Variants in CFAP92 observed in about 807,000 individuals in gnomAD.
CFAP92 encodes the protein cilia and flagella associated protein 92 (putative), also known as uncharacterized protein CFAP92.
Under a neutral mutation model 106.3 loss-of-function variants are expected in CFAP92, and 86 were observed. The observed-to-expected ratio is 0.81, with a 90% CI of 0.68 to 0.97. CFAP92 has a LOEUF of 0.97. Among genes scored for constraint, CFAP92 ranks in the 50% least tolerant of loss-of-function variants. The pLI, the probability that CFAP92 is intolerant of heterozygous loss-of-function variation, is 0.00. For missense variants in CFAP92, 1,204 were observed against 1,283.8 expected, an observed-to-expected ratio of 0.94 and a Z score of 0.95; for synonymous variants, 477 against 506.4, an observed-to-expected ratio of 0.94 and a Z score of 0.78.
intron 7 of CFAP92, among the ~76,000 whole-genome samples, 176 bp downstream of exon 7, chr3:128,975,603 T>C (rs1943102284): frequency 6.6e-6 from 1 of 152,140 alleles, no homozygotes; most frequent in South Asian, 2.1e-4. Flanking sequence ...GGTGGATGGA[T>C]GGATAGACGG....
chr3:128,928,121 CGGGT>C (rs1937903067), intron 12 of CFAP92, among the ~76,000 whole-genome samples: 1 of 151,968 alleles, frequency 6.6e-6, no homozygotes, highest in African/African-American at 2.4e-5. Flanking sequence ...GGAGTGGTGG[CGGGT>C]ATGTGTAGTC....
intron 9 of CFAP92, among the ~76,000 whole-genome samples, chr3:128,948,172 T>C (rs370960667): frequency 1.1e-4 from 16 of 151,942 alleles, no homozygotes; most frequent in African/African-American, 3.6e-4. Context: ...CCAGAATGTG[T>C]ATGTAAACAC....
chr3:128,959,505 C>T (rs1165575235), intron 9 of CFAP92, among the ~76,000 whole-genome samples: 1 of 152,148 alleles, frequency 6.6e-6, no homozygotes, highest in Non-Finnish European at 1.5e-5. Context: ...AGAGGATGCA[C>T]TCCAGCAAAA....
intron 12 of CFAP92, among the ~76,000 whole-genome samples, chr3:128,917,337 G>A (rs184307808): frequency 6.6e-6 from 1 of 152,230 alleles, no homozygotes; most frequent in East Asian, 1.9e-4. Flanking sequence ...TAGAATTCGT[G>A]AATTACAACC....
At chr3:128,928,927 TCAA>T (rs1411120038) in intron 12 of CFAP92, among the ~76,000 whole-genome samples, 3 of 152,080 alleles carry the variant, frequency 2.0e-5, no homozygotes, top group Non-Finnish European at 4.4e-5. Context: ...ATATAACAAC[TCAA>T]CAATAAAAAG....
chr3:128,996,199 C>T (rs896217457), upstream of CFAP92, among the ~76,000 whole-genome samples: 2 of 152,214 alleles, frequency 1.3e-5, no homozygotes, highest in Non-Finnish European at 2.9e-5. Context: ...AACCCCCAGA[C>T]ATATGAGAGT....
At chr3:129,020,700 A>G in the CFAP92 span, among the ~76,000 whole-genome samples, 7 of 152,192 alleles carry the variant, frequency 4.6e-5, no homozygotes, top group Admixed American at 3.3e-4. Context: ...TTGGTAAGGC[A>G]CGCTTATTGG....
In CFAP92 at chr3:128,987,839, A is replaced by T; in HGVS notation, c.454-10T>A. The T allele has an allele frequency of 6.3e-7, 1 of 1,591,852 alleles. No individual in the cohort carries two copies. The highest frequency in any genetic ancestry group is 8.6e-7 in the Non-Finnish European group (1 of 1,168,890). On this transcript the variant is annotated splice_polypyrimidine_tract_variant and intron_variant, in intron 3 of 15. Coordinates refer to ENST00000645291, the MANE Select transcript of CFAP92 (RefSeq NM_001394090.1). The stretch of plus-strand genomic sequence containing the variant: ...GCCACGGCTTCACAGTCTGTGTAAA[A>T]CAACATTCAGAGATGTCAACTGGGG...
In CFAP92 at chr3:128,988,838, G is replaced by A. The variant is rs1944027549; in HGVS notation, c.343C>T (p.Arg115Cys). The change falls in exon 3 of 16, where the codon CGT becomes TGT. Residue 115 changes from arginine (R) to cysteine (C), a missense_variant. Arg to Cys is a radical substitution (Grantham distance 180). Transcript: ENST00000645291. ...KTDSSVTKMR[R>C]FYHIEYFLLP... ...AGGAAATACTCAATGTGGTAAAAAC[G>A]ACGCATCTTTGTAACAGAACTGTCT... The A allele has an allele frequency of 1.9e-6, 3 of 1,613,802 alleles. No homozygotes were observed. The highest frequency in any genetic ancestry group is 2.5e-6 in the Non-Finnish European group (3 of 1,179,710).
chr3:128,925,882 C>T (rs185127255), intron 12 of CFAP92, among the ~76,000 whole-genome samples: 5 of 152,214 alleles, frequency 3.3e-5, no homozygotes, highest in African/African-American at 4.8e-5. Flanking sequence ...CAGAGGACAA[C>T]GGAATGATGT....
intron 10 of CFAP92, among the ~76,000 whole-genome samples, chr3:128,943,991 G>T (rs1324602627): frequency 6.9e-6 from 1 of 144,438 alleles, no homozygotes; most frequent in Non-Finnish European, 1.5e-5. Flanking sequence ...ATTCAGTGGC[G>T]TGATACTGGC....
At chr3:128,988,600 G>A in intron 3 of CFAP92, 128 bp downstream of exon 3, 1 of 916,736 alleles carries the variant, frequency 1.1e-6, no homozygotes, top group East Asian at 2.6e-5. Flanking sequence ...CCACTCAGGA[G>A]GTGGGGCCCG....
chr3:128,964,554 GTAAA>G (rs1392117484), intron 9 of CFAP92, among the ~76,000 whole-genome samples: 1 of 152,306 alleles, frequency 6.6e-6, no homozygotes, highest in Middle Eastern at 3.4e-3. Context: ...AACTCTTGAA[GTAAA>G]TAAATAATCT....
upstream of CFAP92, among the ~76,000 whole-genome samples, chr3:128,995,658 C>G (rs1380574668): frequency 2.0e-5 from 3 of 152,212 alleles, no homozygotes; most frequent in Non-Finnish European, 4.4e-5. Flanking sequence ...CACATCACCA[C>G]CTAGGACAGA....
the CFAP92 span, among the ~76,000 whole-genome samples, chr3:129,023,614 G>A: frequency 1.2e-4 from 19 of 152,188 alleles, no homozygotes; most frequent in Non-Finnish European, 1.9e-4. Flanking sequence ...TTACAGGCGT[G>A]AGCCACCGCG....
chr3:128,940,091 A>G (rs1340596593), intron 10 of CFAP92, among the ~76,000 whole-genome samples: 1 of 152,118 alleles, frequency 6.6e-6, no homozygotes, highest in Non-Finnish European at 1.5e-5. Context: ...TCTCCTCAGC[A>G]TGTTTTCAAG....
At chr3:128,961,060 C>G (rs1052586812) in intron 9 of CFAP92, among the ~76,000 whole-genome samples, 2 of 152,214 alleles carry the variant, frequency 1.3e-5, no homozygotes. Context: ...CTCTTCAACT[C>G]ACACCTGACC....
chr3:128,938,638 C>T (rs1293803510), intron 10 of CFAP92, among the ~76,000 whole-genome samples: 3 of 151,692 alleles, frequency 2.0e-5, no homozygotes, highest in Non-Finnish European at 2.9e-5. Context: ...GGACTACAGG[C>T]GCCCACCACC....
chr3:128,915,658 A>G, intron 13 of CFAP92, 95 bp from the exon 14 acceptor site: 3 of 792,398 alleles, frequency 3.8e-6, no homozygotes, highest in Non-Finnish European at 5.9e-6. Flanking sequence ...GGGCATAATC[A>G]TAGTTCCTGA....
Sources: gnomAD v4.1 joint callset for allele counts (sites outside exome capture counted in the v4.1 genomes callset) on GRCh38, gnomAD v4.1.1 for gene constraint, MANE v1.5 for transcripts, NCBI Gene and HGNC (gene_info 2026-07-23, HGNC 2026-07-21) for gene names.